Variants in PTPRD observed in about 807,000 individuals in gnomAD.
PTPRD encodes receptor-type tyrosine-protein phosphatase delta.
PTPRD carries 34 observed loss-of-function variants against 214.5 expected under a neutral mutation model. That is an observed-to-expected ratio of 0.16 (90% CI 0.12 to 0.21). The LOEUF is 0.21. PTPRD is among the 10% of genes least tolerant of loss of function. The pLI, the probability that PTPRD is intolerant of heterozygous loss-of-function variation, is 1.00. For synonymous variants in PTPRD, 1,128 were observed against 845.7 expected (o/e 1.33, Z -5.79); for missense variants, 2,545 against 2,398.7 (o/e 1.06, Z -1.27).
Position 10,612,891 on chromosome 9 carries a change from C to T in PTPRD, c.-911G>A, listed in dbSNP as rs1443327110. On this transcript the variant is annotated 5_prime_UTR_variant, in exon 1 of 46. Coordinates refer to ENST00000381196, the MANE Select transcript of PTPRD (RefSeq NM_002839.4). ...GGCTCTGTCGGGGCGAGGCGCTGCC[C>T]CCACGCGCTCCGGCCGCCGGCTGCG... Among the ~76,000 whole-genome samples the T allele has an allele frequency of 4.0e-5, 6 of 151,778 alleles. No homozygotes were observed. Among genetic ancestry groups the T allele is most frequent in the Admixed American group, 6.6e-5 (1 of 15,218 alleles).
At chr9:9,162,490 G>T (rs1236428332) in intron 10 of PTPRD, among the ~76,000 whole-genome samples, 1 of 151,978 alleles carries the variant, frequency 6.6e-6, no homozygotes, top group Non-Finnish European at 1.5e-5. Flanking sequence ...GTCCTTTTGG[G>T]ACAAGGAAGA....
intron 7 of PTPRD, among the ~76,000 whole-genome samples, chr9:9,696,035 A>G (rs1260515604): frequency 1.3e-5 from 2 of 151,900 alleles, no homozygotes; most frequent in Non-Finnish European, 2.9e-5. Flanking sequence ...CTCTTTTTTG[A>G]TGGGAGACTT....
At chr9:10,146,604 G>A (rs879735568) in intron 3 of PTPRD, among the ~76,000 whole-genome samples, 4 of 152,102 alleles carry the variant, frequency 2.6e-5, no homozygotes, top group Non-Finnish European at 5.9e-5. Flanking sequence ...AATTTTCTGA[G>A]GTGGAAATTT....
chr9:8,321,032 C>A (rs1423617146), intron 44 of PTPRD, among the ~76,000 whole-genome samples: 1 of 152,028 alleles, frequency 6.6e-6, no homozygotes, highest in Non-Finnish European at 1.5e-5. Flanking sequence ...GGGGTTTCTA[C>A]AGTCTAAACA....
chr9:8,899,156 G>T (rs544032111), intron 11 of PTPRD, among the ~76,000 whole-genome samples: 1 of 152,176 alleles, frequency 6.6e-6, no homozygotes, highest in East Asian at 1.9e-4. Flanking sequence ...TTATCTGCTG[G>T]GCAGGGCTTA....
chr9:9,107,993 A>G (rs2099801065), intron 10 of PTPRD, among the ~76,000 whole-genome samples: 1 of 152,132 alleles, frequency 6.6e-6, no homozygotes, highest in Non-Finnish European at 1.5e-5. Flanking sequence ...ATTTTCATTA[A>G]TATTGCTTTC....
Position 9,552,555 on chromosome 9 carries a change from A to T in PTPRD, c.-237+22177T>A, listed in dbSNP as rs1314703970. On this transcript the variant is annotated intron_variant, in intron 8 of 45. Coordinates refer to ENST00000381196, the MANE Select transcript of PTPRD (RefSeq NM_002839.4). Reference sequence around the variant, plus strand: ...TTTAGTGGGACTTCTTTTATATGCAAATACTTGCTTCTCTGTAGTAAGCCT... The same window carrying T: ...TTTAGTGGGACTTCTTTTATATGCATATACTTGCTTCTCTGTAGTAAGCCT... 2.0e-5 allele frequency among the ~76,000 whole-genome samples: 3 copies of T among 152,062 alleles called. No homozygotes were observed. The East Asian group carries it at 5.8e-4, about 29-fold the overall frequency.
intron 8 of PTPRD, among the ~76,000 whole-genome samples, chr9:9,403,135 C>T (rs1013497701): frequency 1.3e-5 from 2 of 150,360 alleles, no homozygotes; most frequent in Middle Eastern, 3.4e-3. Context: ...ACTAAAAATA[C>T]AAAAAATTAG....
At chr9:9,646,280 G>T (rs915881255) in intron 7 of PTPRD, among the ~76,000 whole-genome samples, 6 of 151,248 alleles carry the variant, frequency 4.0e-5, no homozygotes, top group African/African-American at 1.5e-4. Context: ...CTATAGAATT[G>T]TAGGGTGACC....
intron 3 of PTPRD, among the ~76,000 whole-genome samples, chr9:10,076,053 C>T (rs1000553545): frequency 6.6e-6 from 1 of 152,076 alleles, no homozygotes; most frequent in African/African-American, 2.4e-5. Context: ...GGCCTCAGTA[C>T]CTCCATAATG....
rs202108759 is a variant in PTPRD at position 9,195,104 on chromosome 9, A to G, written c.-202-11741T>C. On this transcript the variant is annotated intron_variant, in intron 9 of 45. Transcript: ENST00000381196. ...TGTTTGTGTATATATATATATATATATATACACACACACACATATACATAC... is the reference window on the plus strand; with the variant it reads ...TGTTTGTGTATATATATATATATATGTATACACACACACACATATACATAC... Among the ~76,000 whole-genome samples, 12 of 139,780 alleles carry G rather than the reference A, an allele frequency of 8.6e-5. No homozygotes were observed. The Admixed American group carries it at 9.2e-4, about 11-fold the overall frequency. The allele number at this position is 139,780 out of a possible 152,430, so 91.7% of individuals were successfully genotyped here.
At chr9:9,050,301 G>C (rs1310891889) in intron 10 of PTPRD, among the ~76,000 whole-genome samples, 1 of 152,192 alleles carries the variant, frequency 6.6e-6, no homozygotes, top group Non-Finnish European at 1.5e-5. Context: ...GCAATGCAAT[G>C]AAGGAAGATG....
intron 37 of PTPRD, 31 bp from the exon 38 acceptor site, chr9:8,376,757 A>C: frequency 6.2e-7 from 1 of 1,609,720 alleles, no homozygotes. Flanking sequence ...ATTCAGGGCA[A>C]ATGCTCATCA....
intron 11 of PTPRD, among the ~76,000 whole-genome samples, chr9:8,945,640 G>A (rs1468610684): frequency 6.6e-6 from 1 of 151,928 alleles, no homozygotes; most frequent in Non-Finnish European, 1.5e-5. Context: ...GGTATTCAAG[G>A]CCTCTCTCAG....
chr9:9,287,718 T>C (rs573303687), intron 9 of PTPRD, among the ~76,000 whole-genome samples: 9 of 151,884 alleles, frequency 5.9e-5, no homozygotes, highest in South Asian at 2.1e-4. Flanking sequence ...TTGAAACATA[T>C]CAGTTGAATA....
chr9:8,923,332 G>A (rs530617840), intron 11 of PTPRD, among the ~76,000 whole-genome samples: 3 of 151,864 alleles, frequency 2.0e-5, no homozygotes, highest in South Asian at 2.1e-4. Context: ...ATGAGCCACC[G>A]CGCCTGGCCA....
chr9:8,394,347 T>A lies in PTPRD; in HGVS notation c.4211-4940A>T, dbSNP rs544457422. On this transcript the variant is annotated intron_variant, in intron 36 of 45. Coordinates refer to ENST00000381196, the MANE Select transcript of PTPRD (RefSeq NM_002839.4). ...TTAAGTGAAAAAGCAGGATGCAAAA[T>A]AATACATGAATTATTTTGTGAAATC... Among the ~76,000 whole-genome samples, 14 of 152,212 alleles carry A rather than the reference T, an allele frequency of 9.2e-5. No individual in the cohort carries two copies. In the East Asian group the frequency reaches 2.5e-3, roughly 27 times the overall value.
At chr9:9,660,654 T>G (rs1266152578) in intron 7 of PTPRD, among the ~76,000 whole-genome samples, 1 of 152,022 alleles carries the variant, frequency 6.6e-6, no homozygotes, top group African/African-American at 2.4e-5. Flanking sequence ...GTCTCACCAA[T>G]GATGATCACT....
At chr9:9,869,102 G>A (rs1167144532) in intron 5 of PTPRD, among the ~76,000 whole-genome samples, 1 of 152,208 alleles carries the variant, frequency 6.6e-6, no homozygotes, top group Non-Finnish European at 1.5e-5. Context: ...TATGAAAAAT[G>A]TATGAAATTC....
Sources: gnomAD v4.1 joint callset for allele counts (sites outside exome capture counted in the v4.1 genomes callset) on GRCh38, gnomAD v4.1.1 for gene constraint, MANE v1.5 for transcripts, NCBI Gene and HGNC (gene_info 2026-07-23, HGNC 2026-07-21) for gene names.